Variants in RALYL observed in about 807,000 individuals in gnomAD.
RALYL encodes the protein RNA-binding Raly-like protein.
RALYL carries 29 observed loss-of-function variants against 35.1 expected under a neutral mutation model. That is an observed-to-expected ratio of 0.83 (90% CI 0.61 to 1.13). The LOEUF (loss-of-function observed/expected upper bound fraction) is 1.13, where lower values mean the gene tolerates loss of function less well. Among genes scored for constraint, RALYL ranks in the 50% most tolerant of loss-of-function variants. The probability of loss-of-function intolerance (pLI) is 0.00; values close to 1 mark genes in which losing one functional copy is unlikely to be tolerated. For missense variants in RALYL, 359 were observed against 360.4 expected (o/e 1.00, Z 0.03); for synonymous variants, 120 against 127.6 (o/e 0.94, Z 0.40).
intron 1 of RALYL, among the ~76,000 whole-genome samples, chr8:84,193,447 TAAAC>T (rs1215434321): frequency 5.9e-5 from 9 of 152,214 alleles, no homozygotes; most frequent in Non-Finnish European, 1.5e-5. Flanking sequence ...GTTCATTAGT[TAAAC>T]TAAGTAACTC....
intron 2 of RALYL, among the ~76,000 whole-genome samples, chr8:84,616,501 C>G (rs1227966522): frequency 2.7e-5 from 4 of 148,856 alleles, no homozygotes; most frequent in Non-Finnish European, 6.0e-5. Context: ...AGCCCTTTGT[C>G]AGATGAGTAG....
intron 3 of RALYL, among the ~76,000 whole-genome samples, chr8:84,792,508 C>T (rs77875225): frequency 0.013 from 1,905 of 152,308 alleles, 56 homozygotes; most frequent in African/African-American, 0.043. Flanking sequence ...GGATAGGGGG[C>T]GTTGCAGGCC....
At chr8:84,722,617 TTATATATA>T (rs71823678) in intron 2 of RALYL, among the ~76,000 whole-genome samples, 12 of 97,408 alleles carry the variant, frequency 1.2e-4, no homozygotes, top group African/African-American at 3.1e-4. Flanking sequence ...TAGAGTGATT[TTATATATA>T]TATATATATA....
At chr8:84,654,233 A>G (rs188392737) in intron 2 of RALYL, among the ~76,000 whole-genome samples, 134 of 136,794 alleles carry the variant, frequency 9.8e-4, no homozygotes, top group African/African-American at 3.2e-3. Flanking sequence ...AAACAAAACA[A>G]ACCACCACCA....
At chr8:84,402,000 A>C (rs2042968134) in intron 1 of RALYL, among the ~76,000 whole-genome samples, 1 of 152,154 alleles carries the variant, frequency 6.6e-6, no homozygotes, top group Non-Finnish European at 1.5e-5. Context: ...ATAAACTCAG[A>C]GGTCTCCCTA....
intron 2 of RALYL, among the ~76,000 whole-genome samples, chr8:84,734,061 CT>C (rs1350555400): frequency 6.6e-6 from 1 of 152,140 alleles, no homozygotes; most frequent in Non-Finnish European, 1.5e-5. Context: ...AAGGCTTTTA[CT>C]CTTTGTGTAA....
chr8:84,320,838 A>G (rs1844672498), intron 1 of RALYL, among the ~76,000 whole-genome samples: 1 of 152,116 alleles, frequency 6.6e-6, no homozygotes, highest in Non-Finnish European at 1.5e-5. Context: ...AAGATAGATT[A>G]TCAGATTTTT....
At chr8:84,845,132 A>G (rs1053499449) in intron 4 of RALYL, among the ~76,000 whole-genome samples, 1 of 152,196 alleles carries the variant, frequency 6.6e-6, no homozygotes, top group Non-Finnish European at 1.5e-5. Flanking sequence ...AAAATTAAAA[A>G]AAATAAAAAA....
chr8:84,416,613 A>T (rs2044733033), intron 1 of RALYL, among the ~76,000 whole-genome samples: 1 of 152,226 alleles, frequency 6.6e-6, no homozygotes, highest in Non-Finnish European at 1.5e-5. Flanking sequence ...ACCTTTGCAG[A>T]AATAATATAT....
chr8:84,566,368 A>T (rs1334784302), intron 2 of RALYL, among the ~76,000 whole-genome samples: 1 of 151,586 alleles, frequency 6.6e-6, no homozygotes, highest in Non-Finnish European at 1.5e-5. Flanking sequence ...AAAACAGCAG[A>T]TATGTTCCTA....
chr8:84,857,929 T>G (rs1837383141), intron 5 of RALYL, among the ~76,000 whole-genome samples: 1 of 152,112 alleles, frequency 6.6e-6, no homozygotes, highest in East Asian at 1.9e-4. Flanking sequence ...AAAAAGACAC[T>G]TAAAATAATG....
Position 84,231,973 on chromosome 8 carries a change from G to T in RALYL, c.-24+47549G>T, listed in dbSNP as rs142357448. ...TATAGGTATTTAATAAATAATAAAG[G>T]TGACATTTAGGATCATCATGGAAAA... On this transcript the variant is annotated intron_variant, in intron 1 of 8. Transcript: ENST00000521268. Among the ~76,000 whole-genome samples, 422 of 152,192 alleles carry T rather than the reference G, an allele frequency of 2.8e-3. 13 individuals carry two copies. The highest frequency in any genetic ancestry group is 0.022 in the Admixed American group (340 of 15,264).
At chr8:84,483,799 TTA>T (rs2054303233) in intron 1 of RALYL, among the ~76,000 whole-genome samples, 1 of 152,174 alleles carries the variant, frequency 6.6e-6, no homozygotes, top group Admixed American at 6.5e-5. Context: ...CCAGCCATTT[TTA>T]CATGCAGTGA....
chr8:84,829,505 C>T (rs1402489094), intron 4 of RALYL: 2 of 152,914 alleles, frequency 1.3e-5, no homozygotes, highest in Non-Finnish European at 2.9e-5. Flanking sequence ...GTTTGATAAA[C>T]CTGAGGCAGG....
chr8:84,834,864 A>C (rs1434865807), intron 4 of RALYL, among the ~76,000 whole-genome samples: 2 of 152,214 alleles, frequency 1.3e-5, no homozygotes, highest in Admixed American at 1.3e-4. Flanking sequence ...ATTCGATTTA[A>C]AAAAATATCT....
chr8:84,224,510 G>C (rs1472900457), intron 1 of RALYL, among the ~76,000 whole-genome samples: 1 of 152,066 alleles, frequency 6.6e-6, no homozygotes, highest in Admixed American at 6.6e-5. Flanking sequence ...TGTTCTCTGT[G>C]CACAGAGAAC....
chr8:84,613,747 G>A (rs1024918440), intron 2 of RALYL, among the ~76,000 whole-genome samples: 12 of 151,078 alleles, frequency 7.9e-5, no homozygotes, highest in Admixed American at 2.0e-4. Context: ...CATAGCTAAA[G>A]CATTAACATC....
intron 2 of RALYL, among the ~76,000 whole-genome samples, chr8:84,627,447 G>C (rs1012618894): frequency 6.8e-6 from 1 of 146,732 alleles, no homozygotes; most frequent in African/African-American, 2.5e-5. Flanking sequence ...TCCAGAGAGA[G>C]GTCTTATCGA....
At chr8:84,558,402 G>C (rs546609015) in intron 2 of RALYL, among the ~76,000 whole-genome samples, 1 of 152,102 alleles carries the variant, frequency 6.6e-6, no homozygotes, top group Admixed American at 6.6e-5. Context: ...CTGCAAAACT[G>C]ACAGTTAAAA....
Sources: allele counts gnomAD v4.1 joint callset (sites outside exome capture counted in the v4.1 genomes callset), GRCh38; gene constraint gnomAD v4.1.1; transcripts MANE v1.5; gene names NCBI Gene and HGNC (gene_info 2026-07-23, HGNC 2026-07-21).